The following PACSIN2 variants were observed in gnomAD, a reference collection of about 807,000 sequenced individuals.
The protein encoded by PACSIN2 is protein kinase C and casein kinase substrate in neurons protein 2.
In PACSIN2, 25 loss-of-function variants were observed where a neutral mutation model predicts 63.8. The ratio of observed to expected loss-of-function variants is 0.39; its 90% CI spans 0.29 to 0.55. PACSIN2 has a LOEUF of 0.55. Among genes scored for constraint, PACSIN2 ranks in the 20% least tolerant of loss-of-function variants. PACSIN2 has a pLI of 0.62. For missense variants in PACSIN2, 518 were observed against 646.9 expected (o/e 0.80, Z 2.16); for synonymous variants, 255 against 256.2 (o/e 1.00, Z 0.05).
At chr22:42,991,103 A>G (rs1923008903) in intron 1 of PACSIN2, among the ~76,000 whole-genome samples, 1 of 152,192 alleles carries the variant, frequency 6.6e-6, no homozygotes, top group South Asian at 2.1e-4. Context: ...GCAGTTTATG[A>G]GTCAGAACAC....
intron 1 of PACSIN2, among the ~76,000 whole-genome samples, chr22:42,922,090 T>C (rs1179762996): frequency 1.3e-5 from 2 of 152,214 alleles, no homozygotes; most frequent in South Asian, 2.1e-4. Context: ...GACTGAGGTA[T>C]TGAAAACAGT....
intron 6 of PACSIN2, 105 bp from the exon 7 acceptor site, chr22:42,882,409 A>AAACCAACTCACAGAG: frequency 7.5e-7 from 1 of 1,337,838 alleles, no homozygotes; most frequent in Non-Finnish European, 1.0e-6. Flanking sequence ...GCCCTCTGTG[A>AAACCAACTCACAGAG]GTTGGTTTCA....
intron 1 of PACSIN2, among the ~76,000 whole-genome samples, chr22:42,931,769 T>G (rs998134913): frequency 1.3e-5 from 2 of 152,190 alleles, no homozygotes; most frequent in African/African-American, 4.8e-5. Flanking sequence ...ATCACGTTGT[T>G]ATTATTATGG....
intron 1 of PACSIN2, among the ~76,000 whole-genome samples, chr22:42,924,999 G>A (rs1020571507): frequency 6.6e-6 from 1 of 151,164 alleles, no homozygotes; most frequent in Admixed American, 6.6e-5. Context: ...CCTCGTGATC[G>A]GCCCAAAGTG....
chr22:43,010,398 A>ATATATATATTTTT lies in PACSIN2; in HGVS notation c.-78+4622_-78+4623insAAAAATATATATA. Among the ~76,000 whole-genome samples the ATATATATATTTTT allele has an allele frequency of 2.5e-4, 32 of 126,406 alleles. 2 individuals are homozygous for ATATATATATTTTT. Among genetic ancestry groups the ATATATATATTTTT allele is most frequent in the African/African-American group, 8.5e-4 (30 of 35,356 alleles). The allele number at this position is 126,406 out of a possible 152,430, so 82.9% of individuals were successfully genotyped here. On this transcript the variant is annotated intron_variant, in intron 1 of 10. Coordinates refer to ENST00000263246, the MANE Select transcript of PACSIN2 (RefSeq NM_001184970.3). ...TGTTTAAAAATACATATATATATATATTTTTTTTTAATTGAAAATAAAAAA... is the reference window on the plus strand; with the variant it reads ...TGTTTAAAAATACATATATATATATATATATATATTTTTTTTTTTTTTAATTGAAAATAAAAAA...
intron 1 of PACSIN2, among the ~76,000 whole-genome samples, chr22:42,999,412 C>G (rs1475831221): frequency 1.3e-5 from 2 of 152,148 alleles, no homozygotes; most frequent in Non-Finnish European, 2.9e-5. Context: ...GCTCATGCCT[C>G]TAATCCCAGC....
intron 1 of PACSIN2, among the ~76,000 whole-genome samples, chr22:42,927,877 G>A (rs527985546): frequency 1.1e-4 from 16 of 152,224 alleles, no homozygotes; most frequent in African/African-American, 3.4e-4. Flanking sequence ...GTGAGCCACC[G>A]TGCCCGGCCT....
At chr22:42,957,984 A>G (rs1933983091) in intron 1 of PACSIN2, among the ~76,000 whole-genome samples, 1 of 152,158 alleles carries the variant, frequency 6.6e-6, no homozygotes, top group Non-Finnish European at 1.5e-5. Context: ...TGCTCTTTGT[A>G]CTTGAGGTAA....
intron 1 of PACSIN2, among the ~76,000 whole-genome samples, chr22:42,933,738 T>A (rs1932831122): frequency 6.6e-6 from 1 of 152,214 alleles, no homozygotes; most frequent in Non-Finnish European, 1.5e-5. Flanking sequence ...CTTCCCAGCA[T>A]CTGCAAGTGG....
chr22:42,886,359 T>C (rs1269156075), intron 5 of PACSIN2, among the ~76,000 whole-genome samples: 3 of 152,226 alleles, frequency 2.0e-5, no homozygotes, highest in African/African-American at 7.2e-5. Flanking sequence ...AAGATGTAGT[T>C]GATGGCTGAT....
At chr22:43,010,398 A>ATATATATATATATATATATATATATAT in intron 1 of PACSIN2, among the ~76,000 whole-genome samples, 20 of 126,400 alleles carry the variant, frequency 1.6e-4, no homozygotes, top group Non-Finnish European at 2.9e-4. Flanking sequence ...ATATATATAT[A>ATATATATATATATATATATATATATAT]TTTTTTTTTA....
chr22:42,974,453 C>T (rs1314091514), intron 1 of PACSIN2, among the ~76,000 whole-genome samples: 1 of 152,162 alleles, frequency 6.6e-6, no homozygotes, highest in African/African-American at 2.4e-5. Flanking sequence ...CACTGGAGAA[C>T]AGTAGAGGAG....
In PACSIN2 at chr22:42,998,306, C is replaced by T. The variant is rs949112537; in HGVS notation, c.-78+16715G>A. ...TGCTGCAGGGATTTCAGATATTCTC[C>T]CAGTCTGAACCTGGTTTGGATTCTG... On this transcript the variant is annotated intron_variant, in intron 1 of 10. Transcript: ENST00000263246. Among the ~76,000 whole-genome samples the T allele has an allele frequency of 2.0e-5, 3 of 152,108 alleles. No homozygotes were observed. In the East Asian group the frequency reaches 5.8e-4, roughly 29 times the overall value.
At chr22:42,939,202 A>G (rs1157515739) in intron 1 of PACSIN2, among the ~76,000 whole-genome samples, 1 of 152,250 alleles carries the variant, frequency 6.6e-6, no homozygotes, top group Non-Finnish European at 1.5e-5. Flanking sequence ...GGAACACATC[A>G]GCTGACAGAT....
Position 42,876,518 on chromosome 22 carries a change from A to C in PACSIN2, c.1152-185T>G, listed in dbSNP as rs190515567. ...TCCACACTCATCCTGAGCCATCAACAGGCTTTCCAGGGGCAGGCGGCTGGA... is the reference window on the plus strand; with the variant it reads ...TCCACACTCATCCTGAGCCATCAACCGGCTTTCCAGGGGCAGGCGGCTGGA... On this transcript the variant is annotated intron_variant, in intron 9 of 10. Coordinates refer to ENST00000263246, the MANE Select transcript of PACSIN2 (RefSeq NM_001184970.3). 4.8e-3 allele frequency among the ~76,000 whole-genome samples: 719 copies of C among 150,760 alleles called. 4 individuals are homozygous for C. Among genetic ancestry groups the C allele is most frequent in the African/African-American group, 0.018 (702 of 40,078 alleles).
intron 7 of PACSIN2, among the ~76,000 whole-genome samples, chr22:42,881,833 G>A (rs1239869184): frequency 1.3e-5 from 2 of 152,156 alleles, no homozygotes; most frequent in Non-Finnish European, 2.9e-5. Context: ...CTCCCTTCCT[G>A]GCCATCCCAC....
intron 1 of PACSIN2, among the ~76,000 whole-genome samples, chr22:42,959,164 G>A (rs1397205165): frequency 6.6e-6 from 1 of 152,148 alleles, no homozygotes; most frequent in East Asian, 1.9e-4. Context: ...TGGAGCGGTG[G>A]CAGGTGATCA....
rs1004612729 is a variant in PACSIN2, at chr22:42,952,506, G to A, written c.-77-40349C>T. ...CCTGATTAGCTGGGACTTTAGGCGC[G>A]CACCACCACGCCTGGCTAATTTGTT... is the stretch of plus-strand genomic sequence containing the variant. On this transcript the variant is annotated intron_variant, in intron 1 of 10. Coordinates refer to ENST00000263246, the MANE Select transcript of PACSIN2 (RefSeq NM_001184970.3). 6.0e-4 allele frequency among the ~76,000 whole-genome samples: 91 copies of A among 151,364 alleles called. 1 individual carries two copies. Among genetic ancestry groups the A allele is most frequent in the Non-Finnish European group, 5.9e-4 (40 of 67,814 alleles).
chr22:43,003,519 T>G (rs1168767576), intron 1 of PACSIN2, among the ~76,000 whole-genome samples: 1 of 151,980 alleles, frequency 6.6e-6, no homozygotes, highest in Non-Finnish European at 1.5e-5. Flanking sequence ...AGGAGAATGG[T>G]GTGAACCCAG....
Sources: allele counts gnomAD v4.1 joint callset (sites outside exome capture counted in the v4.1 genomes callset), GRCh38; gene constraint gnomAD v4.1.1; transcripts MANE v1.5; gene names NCBI Gene and HGNC (gene_info 2026-07-23, HGNC 2026-07-21).